The following SIPA1L2 variants were observed in gnomAD, a reference collection of about 807,000 sequenced individuals.
SIPA1L2 encodes the protein signal-induced proliferation-associated 1-like protein 2.
In SIPA1L2, 56 loss-of-function variants were observed where a neutral mutation model predicts 163.9. That is an observed-to-expected ratio of 0.34 (90% confidence interval 0.28 to 0.43). The LOEUF (loss-of-function observed/expected upper bound fraction) is 0.43, where lower values mean the gene tolerates loss of function less well. Ranked by LOEUF, SIPA1L2 falls within the 20% of genes least tolerant of loss-of-function variation. The pLI is 1.00. For missense variants in SIPA1L2, 1,974 were observed against 2,193.5 expected (o/e 0.90, Z 2.00); for synonymous variants, 877 against 865.7 (o/e 1.01, Z -0.23).
chr1:232,602,582 G>T (rs1661661571), intron 1 of SIPA1L2, among the ~76,000 whole-genome samples: 1 of 152,064 alleles, frequency 6.6e-6, no homozygotes, highest in African/African-American at 2.4e-5. Flanking sequence ...ACCCACCTCG[G>T]CCTCCCAAAG....
At chr1:232,552,117 G>A (rs1279770016) in intron 2 of SIPA1L2, among the ~76,000 whole-genome samples, 1 of 152,194 alleles carries the variant, frequency 6.6e-6, no homozygotes, top group African/African-American at 2.4e-5. Context: ...TGGGATTACA[G>A]GCGTGAGCCA....
chr1:232,618,730 T>C (rs527786070), intron 1 of SIPA1L2, among the ~76,000 whole-genome samples: 4 of 152,248 alleles, frequency 2.6e-5, no homozygotes, highest in Admixed American at 1.3e-4. Context: ...TATCAAGTTA[T>C]ATATTCCTAA....
intron 2 of SIPA1L2, among the ~76,000 whole-genome samples, chr1:232,535,868 C>T (rs1006346117): frequency 6.6e-6 from 1 of 152,144 alleles, no homozygotes; most frequent in Non-Finnish European, 1.5e-5. Flanking sequence ...CATATTAAAA[C>T]AGAAATATAA....
intron 8 of SIPA1L2, among the ~76,000 whole-genome samples, chr1:232,466,475 T>C (rs1346777037): frequency 6.6e-6 from 1 of 152,152 alleles, no homozygotes; most frequent in African/African-American, 2.4e-5. Context: ...AGATAAATTA[T>C]ACAGTGGACT....
chr1:232,459,261 T>C (rs958221491), intron 10 of SIPA1L2, among the ~76,000 whole-genome samples: 9 of 152,226 alleles, frequency 5.9e-5, no homozygotes, highest in African/African-American at 2.2e-4. Context: ...TTTCCTAAGT[T>C]GCACTACAGT....
intron 1 of SIPA1L2, among the ~76,000 whole-genome samples, chr1:232,595,941 T>C (rs1260646713): frequency 6.6e-6 from 1 of 152,172 alleles, no homozygotes; most frequent in African/African-American, 2.4e-5. Context: ...TCCACAATGG[T>C]TGACAATTAC....
intron 19 of SIPA1L2, among the ~76,000 whole-genome samples, chr1:232,412,188 G>A (rs1026776873): frequency 1.3e-5 from 2 of 152,266 alleles, no homozygotes; most frequent in Non-Finnish European, 2.9e-5. Flanking sequence ...TTAAATGAAG[G>A]TGAACATATC....
chr1:232,471,524 A>AGTAGCT lies in SIPA1L2; in HGVS notation c.2086-2_2089dup (p.Gln695_Leu696dup). ...GTCATTTCCTATGTGCCTTTTCCTC[A>AGTAGCT]GTAGCTGTGGTCAAGAAAGTGAAGA... On this transcript the variant is annotated inframe_insertion, in exon 8 of 23. Transcript: ENST00000674635. 6.2e-7 allele frequency: 1 copy of AGTAGCT among 1,610,464 alleles called. No homozygotes were observed. The highest frequency in any genetic ancestry group is 8.5e-7 in the Non-Finnish European group (1 of 1,178,822).
At chr1:232,571,567 T>C (rs1310584909) in intron 2 of SIPA1L2, among the ~76,000 whole-genome samples, 2 of 152,238 alleles carry the variant, frequency 1.3e-5, no homozygotes, top group Non-Finnish European at 2.9e-5. Flanking sequence ...ACACATGATA[T>C]GGCTTGGGTA....
rs1204081556 is a variant in SIPA1L2 at position 232,423,039 on chromosome 1, C to T, written c.4630+2550G>A. On this transcript the variant is annotated intron_variant, in intron 18 of 22. Transcript: ENST00000674635. ...GAACTTTTCCCTGGCTAGTGATAGGCGGTATGACACTCTGTCGCAATGCTG... is the reference window on the plus strand; with the variant it reads ...GAACTTTTCCCTGGCTAGTGATAGGTGGTATGACACTCTGTCGCAATGCTG... 3.3e-5 allele frequency among the ~76,000 whole-genome samples: 5 copies of T among 152,104 alleles called. No individual in the cohort carries two copies. In the East Asian group the frequency reaches 9.6e-4, roughly 29 times the overall value.
intron 2 of SIPA1L2, among the ~76,000 whole-genome samples, chr1:232,545,987 T>C (rs1658009273): frequency 6.6e-6 from 1 of 152,260 alleles, no homozygotes; most frequent in Admixed American, 6.5e-5. Flanking sequence ...CTCTTTCTGG[T>C]GTCACTGACG....
chr1:232,621,443 G>C (rs1662807430), intron 1 of SIPA1L2, among the ~76,000 whole-genome samples: 1 of 152,028 alleles, frequency 6.6e-6, no homozygotes, highest in African/African-American at 2.4e-5. Context: ...TACCTTACAA[G>C]TGAGCTGTAG....
intron 2 of SIPA1L2, among the ~76,000 whole-genome samples, chr1:232,553,300 T>A (rs1012097731): frequency 1.3e-5 from 2 of 152,182 alleles, no homozygotes; most frequent in Non-Finnish European, 2.9e-5. Flanking sequence ...TCTGCTGCAC[T>A]GTTCTGCTGC....
intron 1 of SIPA1L2, among the ~76,000 whole-genome samples, chr1:232,604,614 C>A (rs1199928210): frequency 1.3e-5 from 2 of 152,110 alleles, no homozygotes; most frequent in Non-Finnish European, 2.9e-5. Context: ...TTTTTTGAGA[C>A]AGAGTGATGT....
chr1:232,419,200 G>T (rs1293664353), intron 18 of SIPA1L2, among the ~76,000 whole-genome samples: 2 of 152,020 alleles, frequency 1.3e-5, no homozygotes, highest in African/African-American at 2.4e-5. Flanking sequence ...TGAAAATATG[G>T]GGATTTAAAT....
At chr1:232,431,770 C>T (rs552656788) in intron 16 of SIPA1L2, among the ~76,000 whole-genome samples, 1 of 152,212 alleles carries the variant, frequency 6.6e-6, no homozygotes, top group Non-Finnish European at 1.5e-5. Context: ...CAAACAGATA[C>T]AAAGCATCCT....
intron 6 of SIPA1L2, among the ~76,000 whole-genome samples, chr1:232,482,947 T>C (rs1485746869): frequency 6.6e-6 from 1 of 152,216 alleles, no homozygotes; most frequent in Admixed American, 6.5e-5. Context: ...CTCTTTTCGT[T>C]CAAAGAGCAA....
chr1:232,585,842 C>G (rs1178219618), intron 1 of SIPA1L2, among the ~76,000 whole-genome samples: 1 of 152,198 alleles, frequency 6.6e-6, no homozygotes, highest in Non-Finnish European at 1.5e-5. Context: ...GGTAATAACA[C>G]AGCTACTGAC....
intron 2 of SIPA1L2, among the ~76,000 whole-genome samples, chr1:232,522,632 C>T (rs1422411179): frequency 6.6e-6 from 1 of 152,030 alleles, no homozygotes; most frequent in Non-Finnish European, 1.5e-5. Flanking sequence ...CGGCAAATAT[C>T]CAGCTCTACT....
Sources: gnomAD v4.1 joint callset for allele counts (sites outside exome capture counted in the v4.1 genomes callset) on GRCh38, gnomAD v4.1.1 for gene constraint, MANE v1.5 for transcripts, NCBI Gene and HGNC (gene_info 2026-07-23, HGNC 2026-07-21) for gene names.